SLC16A2: variants seen among roughly 807,000 people sequenced by gnomAD.
SLC16A2 encodes the protein monocarboxylate transporter 8.
SLC16A2 carries 3 observed loss-of-function variants against 27.2 expected under a neutral mutation model. The ratio of observed to expected loss-of-function variants is 0.11; its 90% CI spans 0.05 to 0.28. SLC16A2 has a LOEUF of 0.28. Among genes scored for constraint, SLC16A2 ranks in the 10% least tolerant of loss-of-function variants. The pLI, the probability that SLC16A2 is intolerant of heterozygous loss-of-function variation, is 1.00. For missense variants in SLC16A2, 295 were observed against 458.5 expected (o/e 0.64, Z 3.26); for synonymous variants, 202 against 187.8 (o/e 1.08, Z -0.62).
At chrX:74,458,555 T>G (rs1016327646) in intron 1 of SLC16A2, among the ~76,000 whole-genome samples, 2 of 110,220 alleles carry the variant, frequency 1.8e-5, no homozygotes, top group Admixed American at 1.9e-4. Flanking sequence ...TCCATGTTGG[T>G]CAGGCTGGTC....
intron 1 of SLC16A2, among the ~76,000 whole-genome samples, chrX:74,427,841 A>C (rs551762168): frequency 4.3e-4 from 46 of 106,533 alleles, no homozygotes; most frequent in Admixed American, 1.8e-3. Flanking sequence ...ACACACACAC[A>C]CCCATACCCT....
chrX:74,468,403 A>G (rs1929291902), intron 1 of SLC16A2, among the ~76,000 whole-genome samples: 1 of 111,985 alleles, frequency 8.9e-6, no homozygotes, highest in Non-Finnish European at 1.9e-5. Context: ...ACTTAGCATA[A>G]TGTTTTCAAG....
chrX:74,473,112 T>C (rs1929388955), intron 1 of SLC16A2: 2 of 561,255 alleles, frequency 3.6e-6, no homozygotes, highest in East Asian at 3.3e-5. Flanking sequence ...TCCACCACCA[T>C]AGGGGCCAGA....
At chrX:74,429,767 G>A (rs1193984175) in intron 1 of SLC16A2, among the ~76,000 whole-genome samples, 1 of 111,961 alleles carries the variant, frequency 8.9e-6, no homozygotes, top group Non-Finnish European at 1.9e-5. Context: ...AGAACATGGT[G>A]CCTATGAGAC....
At chrX:74,488,179 C>T (rs1352926867) in intron 1 of SLC16A2, among the ~76,000 whole-genome samples, 4 of 111,534 alleles carry the variant, frequency 3.6e-5, no homozygotes, top group Admixed American at 9.5e-5. Flanking sequence ...AGAGCTCCTC[C>T]ATGTAGTTTG....
At chrX:74,431,318 G>A (rs1027636849) in intron 1 of SLC16A2, among the ~76,000 whole-genome samples, 2 of 112,380 alleles carry the variant, frequency 1.8e-5, no homozygotes, top group African/African-American at 6.5e-5. Flanking sequence ...TTACAGCAAC[G>A]TGGATACAAC....
At chrX:74,492,727 C>T (rs2147859997) in intron 1 of SLC16A2, among the ~76,000 whole-genome samples, 1 of 111,526 alleles carries the variant, frequency 9.0e-6, no homozygotes, top group South Asian at 3.9e-4. Context: ...GTACCTGGTG[C>T]ATGTTCACTC....
In SLC16A2 at chrX:74,529,447, G is replaced by T. The variant is rs1470797272; in HGVS notation, c.1399+6G>T. ...TGCTGGGCCCCCCATTGCAGGTGAG[G>T]CTGATATTCCAGGGAGGGCATGAAT... On this transcript the variant is annotated splice_donor_region_variant and intron_variant, in intron 5 of 5. Transcript: ENST00000587091. 8.7e-7 allele frequency: 1 copy of T among 1,148,118 alleles called. No individual in the cohort carries two copies. Among genetic ancestry groups the T allele is most frequent in the African/African-American group, 1.8e-5 (1 of 56,277 alleles). 94.6% of individuals were successfully genotyped at this position (1,148,118 alleles called of 1,213,427 possible).
chrX:74,513,038 C>T (rs1379179606), intron 1 of SLC16A2, among the ~76,000 whole-genome samples: 2 of 111,422 alleles, frequency 1.8e-5, no homozygotes, highest in African/African-American at 6.5e-5. Flanking sequence ...TTGAAAATAA[C>T]TCTGGGAACC....
intron 1 of SLC16A2, among the ~76,000 whole-genome samples, chrX:74,458,378 C>T (rs1475761649): frequency 2.7e-5 from 3 of 111,647 alleles, no homozygotes; most frequent in South Asian, 3.7e-4. Flanking sequence ...GTCAGAGTTT[C>T]GCTCTTGTTG....
At chrX:74,507,512 C>A (rs535951368) in intron 1 of SLC16A2, among the ~76,000 whole-genome samples, 5 of 111,542 alleles carry the variant, frequency 4.5e-5, no homozygotes, top group African/African-American at 1.6e-4. Context: ...TCCAGCAACC[C>A]TGCTACTGAG....
At chrX:74,434,613 C>G (rs1928588554) in intron 1 of SLC16A2, among the ~76,000 whole-genome samples, 1 of 110,747 alleles carries the variant, frequency 9.0e-6, no homozygotes, top group Admixed American at 9.6e-5. Context: ...TACTCAGCCC[C>G]CACCACCTGC....
chrX:74,496,793 C>A (rs1929944359), intron 1 of SLC16A2, among the ~76,000 whole-genome samples: 1 of 112,188 alleles, frequency 8.9e-6, no homozygotes, highest in Admixed American at 9.4e-5. Context: ...TTGGGGGAAG[C>A]CAGAAGGAGC....
chrX:74,442,925 C>T (rs1928778821), intron 1 of SLC16A2, among the ~76,000 whole-genome samples: 1 of 111,844 alleles, frequency 8.9e-6, no homozygotes, highest in Non-Finnish European at 1.9e-5. Context: ...CCACTGCACT[C>T]CATCCTGGGC....
rs568134741 is a variant in SLC16A2, at chrX:74,440,584, G to A, written c.430+18517G>A. Among the ~76,000 whole-genome samples the A allele has an allele frequency of 8.3e-4, 84 of 101,388 alleles. 1 individual carries two copies. The South Asian group carries it at 0.033, about 40-fold the overall frequency. The allele number at this position is 101,388 out of a possible 115,157, so 88.0% of individuals were successfully genotyped here. ...TATGTAATGGAGCTCTTAGCCAAGCGTGTTTATTTCCTGGTCAACTTCAGA... is the reference window on the plus strand; with the variant it reads ...TATGTAATGGAGCTCTTAGCCAAGCATGTTTATTTCCTGGTCAACTTCAGA... On this transcript the variant is annotated intron_variant, in intron 1 of 5. Transcript: ENST00000587091.
intron 1 of SLC16A2, among the ~76,000 whole-genome samples, chrX:74,507,324 C>T (rs965749327): frequency 9.0e-6 from 1 of 110,679 alleles, no homozygotes; most frequent in Admixed American, 9.7e-5. Context: ...AATAGTAAAC[C>T]GCATATATTT....
chrX:74,485,804 A>ATGGGTGCCTGGCTGGATCGGGAGCATCAG (rs1929706615), intron 1 of SLC16A2, among the ~76,000 whole-genome samples: 1 of 111,385 alleles, frequency 9.0e-6, no homozygotes, highest in African/African-American at 3.3e-5. Context: ...GGGAGCAGCA[A>ATGGGTGCCTGGCTGGATCGGGAGCATCAG]TGGGTGCCTG....
chrX:74,436,703 C>T (rs1325350867), intron 1 of SLC16A2, among the ~76,000 whole-genome samples: 2 of 111,563 alleles, frequency 1.8e-5, no homozygotes, highest in Non-Finnish European at 3.8e-5. Context: ...TGCATCTATA[C>T]AGCTGGGTTT....
At chrX:74,472,052 T>C (rs967160245) in intron 1 of SLC16A2, among the ~76,000 whole-genome samples, 3 of 112,317 alleles carry the variant, frequency 2.7e-5, no homozygotes, top group Non-Finnish European at 5.6e-5. Flanking sequence ...CATATACATA[T>C]ACATTTTGTT....
Sources: allele counts gnomAD v4.1 joint callset (sites outside exome capture counted in the v4.1 genomes callset), GRCh38; gene constraint gnomAD v4.1.1; transcripts MANE v1.5; gene names NCBI Gene and HGNC (gene_info 2026-07-23, HGNC 2026-07-21).